The following GRK4 variants were observed in gnomAD, a reference collection of about 807,000 sequenced individuals.
GRK4 encodes the protein G protein-coupled receptor kinase 4, also known as G protein-coupled receptor kinase 2-like.
In GRK4, 73 loss-of-function variants were observed where a neutral mutation model predicts 77.9. The observed-to-expected ratio is 0.94, with a 90% CI of 0.78 to 1.14. The LOEUF is 1.14. Among genes scored for constraint, GRK4 ranks in the 50% most tolerant of loss-of-function variants. GRK4 has a pLI of 0.00. For synonymous variants in GRK4, 257 were observed against 254.4 expected (o/e 1.01, Z -0.10); for missense variants, 729 against 700.2 (o/e 1.04, Z -0.46).
At chr4:2,975,128 C>A (rs935212347) in intron 1 of GRK4, among the ~76,000 whole-genome samples, 2 of 152,166 alleles carry the variant, frequency 1.3e-5, no homozygotes, top group Non-Finnish European at 2.9e-5. Context: ...CATGGTGAAA[C>A]CCTGTCTCTA....
intron 1 of GRK4, among the ~76,000 whole-genome samples, chr4:2,978,021 A>G (rs1436718569): frequency 6.6e-6 from 1 of 152,244 alleles, no homozygotes; most frequent in Middle Eastern, 3.2e-3. Context: ...TTTCTTTTGT[A>G]ACATGAGCCT....
At chr4:2,986,392 G>A (rs1242872349) in intron 2 of GRK4, among the ~76,000 whole-genome samples, 1 of 122,288 alleles carries the variant, frequency 8.2e-6, no homozygotes, top group African/African-American at 3.2e-5. Flanking sequence ...GAGTCTCGCT[G>A]TGTCGCCAGG....
intron 5 of GRK4, among the ~76,000 whole-genome samples, chr4:3,006,011 A>G (rs1370750245): frequency 1.3e-5 from 2 of 152,116 alleles, no homozygotes; most frequent in Non-Finnish European, 2.9e-5. Context: ...GCACCGGACT[A>G]GAACCCTTCC....
At chr4:2,984,432 A>G (rs1423670072) in intron 1 of GRK4, 81 bp from the exon 2 acceptor site, 5 of 733,088 alleles carry the variant, frequency 6.8e-6, no homozygotes, top group Non-Finnish European at 9.7e-6. Flanking sequence ...CAGAAATGTT[A>G]AGATATATTG....
intron 11 of GRK4, among the ~76,000 whole-genome samples, chr4:3,028,222 G>T (rs781740381): frequency 2.6e-5 from 4 of 152,182 alleles, no homozygotes; most frequent in African/African-American, 7.2e-5. Flanking sequence ...GGCCTGAGAG[G>T]TTGTGAGTCC....
chr4:2,987,889 A>G (rs770076743), intron 2 of GRK4, among the ~76,000 whole-genome samples: 26 of 152,028 alleles, frequency 1.7e-4, no homozygotes, highest in Non-Finnish European at 3.4e-4. Flanking sequence ...CAGCCTGGCC[A>G]ACATAGTAAA....
intron 2 of GRK4, 82 bp from the exon 3 acceptor site, chr4:2,988,645 T>G: frequency 1.3e-6 from 1 of 746,426 alleles, no homozygotes; most frequent in Non-Finnish European, 2.4e-6. Flanking sequence ...CTGTATCGAG[T>G]GAGAACTGTA....
intron 7 of GRK4, among the ~76,000 whole-genome samples, chr4:3,012,247 A>C (rs1431373558): frequency 6.6e-6 from 1 of 152,236 alleles, no homozygotes; most frequent in Admixed American, 6.5e-5. Flanking sequence ...GGATAGTCAC[A>C]TTTTAGGAAA....
intron 1 of GRK4, among the ~76,000 whole-genome samples, chr4:2,969,813 G>A (rs1718941127): frequency 1.3e-5 from 2 of 152,112 alleles, no homozygotes; most frequent in African/African-American, 2.4e-5. Flanking sequence ...AAGTGGCTGG[G>A]ACCACAGGCA....
chr4:3,026,314 G>T (rs1309116445), intron 10 of GRK4, among the ~76,000 whole-genome samples: 1 of 152,072 alleles, frequency 6.6e-6, no homozygotes, highest in Non-Finnish European at 1.5e-5. Flanking sequence ...GCTGGGAATT[G>T]GTATTTCAGT....
At position 3,038,465 on chromosome 4, in the gene GRK4, G is replaced by A. The variant is rs141974533; in HGVS notation, c.1635G>A (p.Pro545=). 25 of 1,613,872 alleles carry A rather than the reference G, an allele frequency of 1.5e-5. No homozygotes were observed. The highest frequency in any genetic ancestry group is 7.7e-5 in the South Asian group (7 of 91,084). Residue 545 remains proline, a synonymous_variant, in exon 15 of 16, where the codon CCG becomes CCA. Transcript: ENST00000398052. ...ATCTAGACAAGAACATACATACCCC[G>A]GTTTCCAGACCAAACAGAGGCTTCT... is the stretch of plus-strand genomic sequence containing the variant. ...PLDLDKNIHT[P]VSRPNRGFFY... is the part of the protein sequence containing the mutation.
At chr4:2,972,828 G>A (rs1045619111) in intron 1 of GRK4, among the ~76,000 whole-genome samples, 5 of 152,068 alleles carry the variant, frequency 3.3e-5, no homozygotes, top group Non-Finnish European at 7.4e-5. Context: ...TCCACCTCCC[G>A]GGCTCAAGCA....
At chr4:2,975,420 C>T (rs529880662) in intron 1 of GRK4, among the ~76,000 whole-genome samples, 6 of 152,244 alleles carry the variant, frequency 3.9e-5, no homozygotes, top group South Asian at 2.1e-4. Context: ...CCTAATATAC[C>T]GTGGGGGAGC....
chr4:3,038,324 T>A lies in GRK4; in HGVS notation c.1546-52T>A. 4.4e-6 allele frequency: 7 copies of A among 1,608,812 alleles called. No individual in the cohort carries two copies. The South Asian group carries it at 7.7e-5, about 18-fold the overall frequency. On this transcript the variant is annotated intron_variant, in intron 14 of 15. Transcript: ENST00000398052. ...GCTGCTGGCACTGGGAGACACCCAC[T>A]GACCTGGCAGTTTCTCTGCGGCTTC...
intron 10 of GRK4, among the ~76,000 whole-genome samples, chr4:3,023,088 C>T (rs920879271): frequency 6.6e-6 from 1 of 152,146 alleles, no homozygotes; most frequent in Non-Finnish European, 1.5e-5. Context: ...TTTCCATTCC[C>T]CTCTAAACTT....
chr4:3,039,826 C>T (rs1195433557), intron 15 of GRK4, among the ~76,000 whole-genome samples: 1 of 152,136 alleles, frequency 6.6e-6, no homozygotes, highest in Non-Finnish European at 1.5e-5. Flanking sequence ...ATGGCTCTCC[C>T]TGACCCTCAG....
intron 4 of GRK4, among the ~76,000 whole-genome samples, chr4:2,993,609 G>T (rs763603305): frequency 6.6e-6 from 1 of 152,210 alleles, no homozygotes; most frequent in Admixed American, 6.5e-5. Context: ...GGGAGGTAAA[G>T]GTGGCAGTGA....
intron 10 of GRK4, among the ~76,000 whole-genome samples, chr4:3,022,763 T>C (rs116580130): frequency 0.03 from 4,604 of 152,252 alleles, 90 homozygotes; most frequent in Middle Eastern, 0.041. Context: ...CATAGCTCAC[T>C]GCAGCCTTGA....
intron 4 of GRK4, among the ~76,000 whole-genome samples, chr4:2,999,917 T>A (rs1228095515): frequency 6.6e-6 from 1 of 152,088 alleles, no homozygotes; most frequent in Non-Finnish European, 1.5e-5. Flanking sequence ...TATAAATAAC[T>A]CTTACAATGC....
Sources: allele counts gnomAD v4.1 joint callset (sites outside exome capture counted in the v4.1 genomes callset), GRCh38; gene constraint gnomAD v4.1.1; transcripts MANE v1.5; gene names NCBI Gene and HGNC (gene_info 2026-07-23, HGNC 2026-07-21).